Variants in UROS observed in about 807,000 individuals in gnomAD.
UROS encodes the protein uroporphyrinogen-III synthase.
In UROS, 18 loss-of-function variants were observed where a neutral mutation model predicts 33.0. That is an observed-to-expected ratio of 0.55 (90% CI 0.38 to 0.81). The LOEUF is 0.81. Ranked by LOEUF, UROS falls within the 30% of genes least tolerant of loss-of-function variation. The pLI, the probability that UROS is intolerant of heterozygous loss-of-function variation, is 0.00. For synonymous variants in UROS, 114 were observed against 121.1 expected, an observed-to-expected ratio of 0.94 and a Z score of 0.38; for missense variants, 293 against 314.9, an observed-to-expected ratio of 0.93 and a Z score of 0.53.
chr10:125,802,862 CT>C, intron 6 of UROS: 15 of 1,537,858 alleles, frequency 9.8e-6, no homozygotes, highest in Non-Finnish European at 1.3e-5. Flanking sequence ...CCAGCAGCCC[CT>C]TTCCCTTGGG....
chr10:125,796,216 T>C, intron 7 of UROS, 28 bp from the exon 8 acceptor site: 4 of 1,609,962 alleles, frequency 2.5e-6, no homozygotes, highest in Non-Finnish European at 3.4e-6. Flanking sequence ...CAGGAAAGAC[T>C]TTACCGCACT....
chr10:125,798,973 A>G (rs1227602896), intron 6 of UROS, among the ~76,000 whole-genome samples: 2 of 152,170 alleles, frequency 1.3e-5, no homozygotes, highest in Admixed American at 1.3e-4. Context: ...CCCCACATCC[A>G]TCCGTAAGAC....
At position 125,816,234 on chromosome 10, in the gene UROS, G is replaced by A. The variant is rs759497992; in HGVS notation, c.90C>T (p.Ala30=). The A allele has an allele frequency of 1.9e-6, 3 of 1,614,174 alleles. No individual in the cohort carries two copies. Among genetic ancestry groups the A allele is most frequent in the Non-Finnish European group, 2.5e-6 (3 of 1,180,034 alleles). ...CAAACGATAAAACAGGGATCAAAGT[G>A]GCTTCAAGTCCATATAATCCTAATT... ...IRELGLYGLE[A]TLIPVLSFEF... The change falls in exon 3 of 10, where the codon GCC becomes GCT. Residue 30 remains alanine (A), a synonymous_variant. Transcript: ENST00000368797.
chr10:125,818,504 T>C (rs756236838), intron 1 of UROS, among the ~76,000 whole-genome samples: 10 of 150,820 alleles, frequency 6.6e-5, no homozygotes, highest in Admixed American at 6.6e-5. Context: ...ATAATAATAA[T>C]AATAATAATA....
rs1344659065 is a variant in UROS at position 125,797,078 on chromosome 10, T to C, written c.476-890A>G. 2.0e-5 allele frequency among the ~76,000 whole-genome samples: 3 copies of C among 152,232 alleles called. No homozygotes were observed. The East Asian group carries it at 5.8e-4, about 29-fold the overall frequency. ...CGAAAAGCTAATGATTTTGCTGATC[T>C]TATTACCTAATGTCCTCTGCCTTTA... On this transcript the variant is annotated intron_variant, in intron 7 of 9. Coordinates refer to ENST00000368797, the MANE Select transcript of UROS (RefSeq NM_000375.3).
Position 125,816,528 on chromosome 10 carries a change from G to A in UROS, c.-26-3C>T. The A allele has an allele frequency of 6.2e-7, 1 of 1,614,096 alleles. No individual in the cohort carries two copies. The highest frequency in any genetic ancestry group is 8.5e-7 in the Non-Finnish European group (1 of 1,179,988). Reference sequence around the variant, plus strand: ...TGCCTGGCAGTCCTTATAGGGCACTGCGACAGAGCAAGGAAACAGATCTTA... The same window carrying A: ...TGCCTGGCAGTCCTTATAGGGCACTACGACAGAGCAAGGAAACAGATCTTA... On this transcript the variant is annotated splice_region_variant and splice_polypyrimidine_tract_variant and intron_variant, in intron 1 of 9. Coordinates refer to ENST00000368797, the MANE Select transcript of UROS (RefSeq NM_000375.3).
At position 125,822,668 on chromosome 10, in the gene UROS, G is replaced by C. The variant is rs188942224; in HGVS notation, c.-27+361C>G. Among the ~76,000 whole-genome samples, 289 of 152,270 alleles carry C rather than the reference G, an allele frequency of 1.9e-3. 2 individuals carry two copies. Among genetic ancestry groups the C allele is most frequent in the African/African-American group, 6.6e-3 (274 of 41,564 alleles). On this transcript the variant is annotated intron_variant, in intron 1 of 9. Transcript: ENST00000368797. The stretch of plus-strand genomic sequence containing the variant: ...AGATGAGGTTTTGCCATGTTGGCCA[G>C]GCTGGTCTCGAACTCCTGACCTCTG...
At chr10:125,794,027 G>C (rs561906096) in intron 9 of UROS, 59 of 152,268 alleles carry the variant, frequency 3.9e-4, no homozygotes, top group Admixed American at 2.4e-3. Flanking sequence ...CCCACCACTG[G>C]ACTGGTGTGA....
At chr10:125,814,202 T>C (rs1853088796) in intron 4 of UROS, among the ~76,000 whole-genome samples, 1 of 152,182 alleles carries the variant, frequency 6.6e-6, no homozygotes, top group African/African-American at 2.4e-5. Flanking sequence ...TTACTATTAG[T>C]AGTAATCCCA....
intron 7 of UROS, among the ~76,000 whole-genome samples, chr10:125,796,607 G>A (rs1851389656): frequency 6.6e-6 from 1 of 152,226 alleles, no homozygotes; most frequent in African/African-American, 2.4e-5. Flanking sequence ...ATCCCCGGCT[G>A]CACTCCAGCT....
At chr10:125,819,485 A>G (rs1287602593) in intron 1 of UROS, among the ~76,000 whole-genome samples, 2 of 152,060 alleles carry the variant, frequency 1.3e-5, no homozygotes, top group African/African-American at 2.4e-5. Flanking sequence ...CTTCTGCTGG[A>G]GGCATCTGAT....
Position 125,796,106 on chromosome 10 carries a change from C to T in UROS, c.558G>A (p.Gln186=). ...IQGNLNSYYS[Q]QGVPASITFF... is the part of the protein sequence containing the mutation. The stretch of plus-strand genomic sequence containing the variant: ...ACCGCCCCCAAACGCCACGTACCTG[C>T]TGGGAATAGTAGCTGTTCAGGTTCC... Residue 186 remains glutamine, a synonymous_variant, in exon 8 of 10, where the codon CAG becomes CAA. Transcript: ENST00000368797. The T allele has an allele frequency of 6.2e-7, 1 of 1,614,166 alleles. No homozygotes were observed. The highest frequency in any genetic ancestry group is 1.1e-5 in the South Asian group (1 of 91,084).
At chr10:125,819,734 T>A (rs746484943) in intron 1 of UROS, 11 of 153,324 alleles carry the variant, frequency 7.2e-5, no homozygotes, top group African/African-American at 2.7e-4. Context: ...AACCGTGCAG[T>A]GTCTGGGGTT....
chr10:125,815,836 C>T (rs1853268919), intron 3 of UROS, among the ~76,000 whole-genome samples: 1 of 152,158 alleles, frequency 6.6e-6, no homozygotes, highest in South Asian at 2.1e-4. Context: ...ATAATACCTC[C>T]CTGGCCTGCT....
chr10:125,802,397 G>T, intron 6 of UROS: 1 of 985,836 alleles, frequency 1.0e-6, no homozygotes, highest in Non-Finnish European at 1.2e-6. Context: ...CTAGGCTGCT[G>T]TTAAAGAAAA....
At chr10:125,807,596 T>C (rs772046767) in intron 5 of UROS, 109 bp from the exon 6 acceptor site, 5 of 834,066 alleles carry the variant, frequency 6.0e-6, no homozygotes, top group South Asian at 1.4e-5. Context: ...ACAAATCACA[T>C]AGAGGATGTC....
In UROS at chr10:125,798,058, T is replaced by C. The variant is rs774356925; in HGVS notation, c.475+7A>G. The stretch of plus-strand genomic sequence containing the variant: ...GGTAAGGGATGCAGTCAAAGCATTC[T>C]ACTCGCCTTTGTCCTTGAGCGCTTT... On this transcript the variant is annotated splice_region_variant and intron_variant, in intron 7 of 9. Coordinates refer to ENST00000368797, the MANE Select transcript of UROS (RefSeq NM_000375.3). 1 of 1,613,842 alleles carries C rather than the reference T, an allele frequency of 6.2e-7. No individual in the cohort carries two copies. Among genetic ancestry groups the C allele is most frequent in the Non-Finnish European group, 8.5e-7 (1 of 1,179,714 alleles).
chr10:125,816,685 G>C, intron 1 of UROS, 160 bp from the exon 2 acceptor site: 1 of 683,166 alleles, frequency 1.5e-6, no homozygotes, highest in Non-Finnish European at 2.6e-6. Context: ...TGTTCTTTCT[G>C]AAGACCCCTG....
At chr10:125,789,503 ATCCTCTC>A in intron 9 of UROS, 1 of 376,664 alleles carries the variant, frequency 2.7e-6, no homozygotes, top group East Asian at 1.2e-4. Flanking sequence ...CCCGTGGCCC[ATCCTCTC>A]TGGCCTCCAT....
Sources: gnomAD v4.1 joint callset for allele counts (sites outside exome capture counted in the v4.1 genomes callset) on GRCh38, gnomAD v4.1.1 for gene constraint, MANE v1.5 for transcripts, NCBI Gene and HGNC (gene_info 2026-07-23, HGNC 2026-07-21) for gene names.